The following KDM4C variants were observed in gnomAD, a reference collection of about 807,000 sequenced individuals.
The protein encoded by KDM4C is lysine demethylase 4C.
KDM4C carries 81 observed loss-of-function variants against 129.3 expected under a neutral mutation model. The ratio of observed to expected loss-of-function variants is 0.63; its 90% CI spans 0.52 to 0.75. The LOEUF is 0.75. KDM4C is among the 30% of genes least tolerant of loss of function. KDM4C has a pLI of 0.00. For synonymous variants in KDM4C, 573 were observed against 456.1 expected (o/e 1.26, Z -3.26); for missense variants, 1,457 against 1,304.0 (o/e 1.12, Z -1.81).
intron 8 of KDM4C, among the ~76,000 whole-genome samples, chr9:6,944,194 T>A (rs1563858057): frequency 6.6e-6 from 1 of 152,228 alleles, no homozygotes. Context: ...CATCTGAATT[T>A]ATTATCTTTA....
At chr9:7,166,114 A>G (rs1036572839) in intron 20 of KDM4C, among the ~76,000 whole-genome samples, 11 of 152,220 alleles carry the variant, frequency 7.2e-5, no homozygotes, top group Non-Finnish European at 1.3e-4. Flanking sequence ...TTTCAGTAAC[A>G]CTGTGTCAGA....
At chr9:7,080,241 C>G (rs1431963328) in intron 17 of KDM4C, among the ~76,000 whole-genome samples, 4 of 152,128 alleles carry the variant, frequency 2.6e-5, no homozygotes, top group Admixed American at 2.6e-4. Context: ...TCCTAAATAA[C>G]CCCCATGTAT....
At position 6,964,274 on chromosome 9, in the gene KDM4C, A is replaced by G. The variant is rs180819421; in HGVS notation, c.922-16651A>G. Among the ~76,000 whole-genome samples the G allele has an allele frequency of 7.0e-4, 99 of 142,140 alleles. No individual in the cohort carries two copies. The East Asian group carries it at 0.014, about 20-fold the overall frequency. 93.2% of individuals were successfully genotyped at this position (142,140 alleles called of 152,430 possible). ...CCCCCAACAGGCCCAGGTGTGTGAT[A>G]TTCCCCATCCTGTGTCCAAGCGTTC... On this transcript the variant is annotated intron_variant, in intron 8 of 21. Coordinates refer to ENST00000381309, the MANE Select transcript of KDM4C (RefSeq NM_015061.6).
chr9:6,905,246 C>T (rs1485113012), intron 8 of KDM4C, among the ~76,000 whole-genome samples: 4 of 152,028 alleles, frequency 2.6e-5, no homozygotes, highest in Admixed American at 6.6e-5. Flanking sequence ...CATTGGAGGC[C>T]GTCTTGGCAG....
At chr9:6,981,156 C>T (rs376279119) in intron 9 of KDM4C, 38 bp downstream of exon 9, 10 of 1,530,686 alleles carry the variant, frequency 6.5e-6, no homozygotes, top group East Asian at 2.3e-5. Context: ...CCTTGCCTGT[C>T]GTGTTTTCTC....
chr9:7,024,769 T>C (rs1825514398), intron 15 of KDM4C, among the ~76,000 whole-genome samples: 1 of 152,224 alleles, frequency 6.6e-6, no homozygotes, highest in South Asian at 2.1e-4. Context: ...GTCTTTGCTA[T>C]TGTGAATAGT....
chr9:6,849,303 A>G (rs1306888982), intron 4 of KDM4C, among the ~76,000 whole-genome samples: 1 of 152,238 alleles, frequency 6.6e-6, no homozygotes, highest in Non-Finnish European at 1.5e-5. Flanking sequence ...GTATGGAACC[A>G]CATTATGCTG....
At chr9:6,963,010 T>C (rs1299749856) in intron 8 of KDM4C, among the ~76,000 whole-genome samples, 1 of 152,230 alleles carries the variant, frequency 6.6e-6, no homozygotes, top group Non-Finnish European at 1.5e-5. Context: ...AGTAATGTCT[T>C]GTGGAATCAG....
intron 18 of KDM4C, among the ~76,000 whole-genome samples, chr9:7,112,363 G>A (rs1162916958): frequency 1.3e-5 from 2 of 152,062 alleles, no homozygotes; most frequent in African/African-American, 4.8e-5. Context: ...GAGAGTAGAA[G>A]GGATTGATTA....
intron 19 of KDM4C, among the ~76,000 whole-genome samples, chr9:7,145,550 T>C (rs573814942): frequency 2.4e-4 from 36 of 152,212 alleles, no homozygotes; most frequent in Non-Finnish European, 4.6e-4. Context: ...ACATCTCCTC[T>C]GCCATACCTC....
chr9:6,940,341 G>A (rs1195395537), intron 8 of KDM4C, among the ~76,000 whole-genome samples: 1 of 152,050 alleles, frequency 6.6e-6, no homozygotes, highest in African/African-American at 2.4e-5. Context: ...GTGCCTAGCT[G>A]AGACAATCAT....
intron 1 of KDM4C, chr9:6,734,809 C>T: frequency 4.6e-6 from 2 of 436,672 alleles, no homozygotes; most frequent in South Asian, 1.8e-5. Context: ...GATTCCTGTT[C>T]CATTGTTTTC....
chr9:6,798,742 A>G (rs928807647), intron 2 of KDM4C, among the ~76,000 whole-genome samples: 5 of 152,162 alleles, frequency 3.3e-5, no homozygotes, highest in African/African-American at 9.7e-5. Context: ...CCCGTTCTCA[A>G]TGAGCTGTTG....
chr9:7,078,205 G>A (rs1055779919), intron 17 of KDM4C, among the ~76,000 whole-genome samples: 11 of 152,238 alleles, frequency 7.2e-5, no homozygotes, highest in South Asian at 2.1e-4. Context: ...TATACATGCT[G>A]TGGTGTAATT....
chr9:6,995,823 C>T (rs1451998842), intron 12 of KDM4C, among the ~76,000 whole-genome samples: 1 of 152,112 alleles, frequency 6.6e-6, no homozygotes, highest in Non-Finnish European at 1.5e-5. Flanking sequence ...AGGCGCCTGC[C>T]ACCACGCCCG....
intron 5 of KDM4C, among the ~76,000 whole-genome samples, chr9:6,878,282 A>G (rs1843880405): frequency 2.0e-5 from 3 of 152,252 alleles, no homozygotes; most frequent in East Asian, 3.8e-4. Flanking sequence ...TTGGTTAACC[A>G]TAAGAATTTT....
At chr9:6,959,906 G>A (rs958690394) in intron 8 of KDM4C, among the ~76,000 whole-genome samples, 3 of 152,032 alleles carry the variant, frequency 2.0e-5, no homozygotes, top group South Asian at 2.1e-4. Flanking sequence ...TGGTTACTAC[G>A]AAAGTGACAA....
intron 4 of KDM4C, among the ~76,000 whole-genome samples, chr9:6,845,228 G>A (rs1035351648): frequency 1.3e-5 from 2 of 152,100 alleles, no homozygotes. Context: ...TTGATTGACT[G>A]ATTGAGACAG....
At chr9:6,856,154 A>C (rs1278176380) in intron 5 of KDM4C, among the ~76,000 whole-genome samples, 1 of 148,888 alleles carries the variant, frequency 6.7e-6, no homozygotes, top group Non-Finnish European at 1.5e-5. Flanking sequence ...TACTGAAGGA[A>C]CTCTTTATTT....
Sources: gnomAD v4.1 joint callset for allele counts (sites outside exome capture counted in the v4.1 genomes callset) on GRCh38, gnomAD v4.1.1 for gene constraint, MANE v1.5 for transcripts, NCBI Gene and HGNC (gene_info 2026-07-23, HGNC 2026-07-21) for gene names.